Variants in USP28 observed in about 807,000 individuals in gnomAD.
USP28 encodes ubiquitin carboxyl-terminal hydrolase 28.
In USP28, 113 loss-of-function variants were observed where a neutral mutation model predicts 145.0. The ratio of observed to expected loss-of-function variants is 0.78; its 90% CI spans 0.67 to 0.91. The LOEUF (loss-of-function observed/expected upper bound fraction) is 0.91. Among genes scored for constraint, USP28 ranks in the 40% least tolerant of loss-of-function variants. The pLI is 0.00. For synonymous variants in USP28, 447 were observed against 450.9 expected, an observed-to-expected ratio of 0.99 and a Z score of 0.11; for missense variants, 1,201 against 1,289.6, an observed-to-expected ratio of 0.93 and a Z score of 1.05.
intron 12 of USP28, chr11:113,821,515 TA>T (rs563929915): frequency 8.3e-4 from 172 of 207,578 alleles, no homozygotes; most frequent in Non-Finnish European, 1.5e-3. Flanking sequence ...TGTTAATCTT[TA>T]GAAGGGCACC....
intron 1 of USP28, among the ~76,000 whole-genome samples, chr11:113,869,438 AT>A (rs1342429180): frequency 6.6e-6 from 1 of 152,138 alleles, no homozygotes; most frequent in Non-Finnish European, 1.5e-5. Flanking sequence ...AAAAAATAAA[AT>A]AAAACAAAAG....
intron 3 of USP28, among the ~76,000 whole-genome samples, chr11:113,849,103 AAG>A (rs1260260852): frequency 6.6e-6 from 1 of 152,230 alleles, no homozygotes; most frequent in Non-Finnish European, 1.5e-5. Flanking sequence ...GGCAGTGCCC[AAG>A]AGAGTTCCAT....
intron 12 of USP28, chr11:113,821,069 G>T: frequency 4.2e-6 from 1 of 239,686 alleles, no homozygotes; most frequent in Middle Eastern, 5.5e-4. Context: ...GGGGATATGG[G>T]AGTTGTCACT....
intron 1 of USP28, among the ~76,000 whole-genome samples, chr11:113,869,192 G>A (rs1283447558): frequency 6.6e-6 from 1 of 152,170 alleles, no homozygotes; most frequent in African/African-American, 2.4e-5. Context: ...CAGCACTTTG[G>A]GAGGCCAAGG....
At chr11:113,815,429 C>A (rs1236442061) in intron 13 of USP28, 47 bp from the exon 14 acceptor site, 38 of 1,562,160 alleles carry the variant, frequency 2.4e-5, no homozygotes, top group Non-Finnish European at 3.3e-5. Context: ...CCAAAAGATA[C>A]CTTGGCCTAA....
intron 1 of USP28, chr11:113,874,821 G>A (rs1458121888): frequency 9.5e-7 from 1 of 1,056,742 alleles, no homozygotes; most frequent in Non-Finnish European, 1.2e-6. Flanking sequence ...ATTGGGAACA[G>A]GAGATCATCA....
chr11:113,831,812 T>C (rs1944014015), intron 8 of USP28, 108 bp downstream of exon 8: 1 of 1,018,890 alleles, frequency 9.8e-7, no homozygotes, highest in East Asian at 2.6e-5. Flanking sequence ...CCAGGAGGTA[T>C]GGTTAAAAAC....
At chr11:113,858,275 T>C (rs1370714817) in intron 1 of USP28, among the ~76,000 whole-genome samples, 2 of 152,220 alleles carry the variant, frequency 1.3e-5, no homozygotes, top group Admixed American at 6.5e-5. Context: ...AAATTCCTCA[T>C]CTTGTCATTC....
chr11:113,872,772 A>G (rs1306497958), intron 1 of USP28, among the ~76,000 whole-genome samples: 2 of 152,212 alleles, frequency 1.3e-5, no homozygotes, highest in African/African-American at 2.4e-5. Context: ...TTCTCCTGTA[A>G]TAACAGTAAA....
Position 113,851,674 on chromosome 11 carries a change from T to C in USP28, c.268+827A>G, listed in dbSNP as rs138817691. On this transcript the variant is annotated intron_variant, in intron 3 of 24. Transcript: ENST00000003302. ...AGCCAGGCGTAGTGGTGGGCGCCTG[T>C]AATCCCAGCTACTCAGGAGGTTGAG... Among the ~76,000 whole-genome samples, 389 of 151,776 alleles carry C rather than the reference T, an allele frequency of 2.6e-3. 2 individuals carry two copies. The highest frequency in any genetic ancestry group is 8.0e-3 in the African/African-American group (333 of 41,400).
chr11:113,821,961 T>A (rs1315882519), intron 12 of USP28: 1 of 152,146 alleles, frequency 6.6e-6, no homozygotes, highest in Non-Finnish European at 1.5e-5. Flanking sequence ...TCTAGCTTCA[T>A]GAAGGTACAA....
chr11:113,800,021 T>C (rs1034817411), intron 24 of USP28, among the ~76,000 whole-genome samples: 2 of 152,206 alleles, frequency 1.3e-5, no homozygotes, highest in Non-Finnish European at 2.9e-5. Context: ...TTTTTTTTTT[T>C]TTGAGACGGA....
At chr11:113,851,548 C>A (rs1164118953) in intron 3 of USP28, among the ~76,000 whole-genome samples, 1 of 152,198 alleles carries the variant, frequency 6.6e-6, no homozygotes, top group East Asian at 1.9e-4. Context: ...GTAATCCTAG[C>A]ACTCTGGGAG....
intron 3 of USP28, among the ~76,000 whole-genome samples, chr11:113,844,335 G>C (rs539089210): frequency 1.1e-4 from 16 of 152,144 alleles, no homozygotes; most frequent in Non-Finnish European, 1.8e-4. Flanking sequence ...CCGCTACTCG[G>C]GAGGCTGGGG....
At chr11:113,800,280 C>T (rs1938739026) in intron 24 of USP28, among the ~76,000 whole-genome samples, 2 of 152,138 alleles carry the variant, frequency 1.3e-5, no homozygotes, top group Non-Finnish European at 2.9e-5. Context: ...GCTGGGACTA[C>T]AGGCGTGAGC....
chr11:113,802,020 T>G (rs553687359), intron 23 of USP28, among the ~76,000 whole-genome samples: 1 of 152,350 alleles, frequency 6.6e-6, no homozygotes, highest in South Asian at 2.1e-4. Context: ...CAGAATCACC[T>G]GCAGAAGACA....
In USP28 at chr11:113,829,597, G is replaced by A. The variant is rs148945205; in HGVS notation, c.911-252C>T. 1,377 of 411,028 alleles carry A rather than the reference G, an allele frequency of 3.4e-3. 18 individuals are homozygous for A. Among genetic ancestry groups the A allele is most frequent in the African/African-American group, 0.027 (1,301 of 47,998 alleles). The allele number at this position is 411,028 out of a possible 1,614,324, so 25.5% of individuals were successfully genotyped here. Reference sequence around the variant, plus strand: ...AATCCCACCACTTTGGGAGGCCAAGGTGGGAGGATCACTTGAGGCCAGGAG... The same window carrying A: ...AATCCCACCACTTTGGGAGGCCAAGATGGGAGGATCACTTGAGGCCAGGAG... On this transcript the variant is annotated intron_variant, in intron 9 of 24. Coordinates refer to ENST00000003302, the Ensembl canonical transcript of USP28.
chr11:113,808,535 C>A (rs948132136), intron 17 of USP28, 98 bp from the exon 18 acceptor site: 3 of 1,302,016 alleles, frequency 2.3e-6, no homozygotes, highest in Non-Finnish European at 3.1e-6. Flanking sequence ...TAATATACAA[C>A]CCTGTTAACA....
chr11:113,833,546 A>C, exon 7 of USP28: 1 of 1,613,680 alleles, frequency 6.2e-7, no homozygotes, highest in Non-Finnish European at 8.5e-7. Context: ...TAAACATGAT[A>C]TTTCTCTTTT....
Sources: gnomAD v4.1 joint callset for allele counts (sites outside exome capture counted in the v4.1 genomes callset) on GRCh38, gnomAD v4.1.1 for gene constraint, MANE v1.5 for transcripts, NCBI Gene and HGNC (gene_info 2026-07-23, HGNC 2026-07-21) for gene names.